The following SEL1L variants were observed in gnomAD, a reference collection of about 807,000 sequenced individuals.
The protein encoded by SEL1L is protein sel-1 homolog 1.
In SEL1L, 52 loss-of-function variants were observed where a neutral mutation model predicts 109.8. The observed-to-expected ratio is 0.47, with a 90% confidence interval of 0.38 to 0.60. The LOEUF is 0.60. Ranked by LOEUF, SEL1L falls within the 20% of genes least tolerant of loss-of-function variation. The probability of loss-of-function intolerance (pLI) is 0.00; values close to 1 mark genes in which losing one functional copy is unlikely to be tolerated. For synonymous variants in SEL1L, 373 were observed against 339.6 expected (o/e 1.10, Z -1.08); for missense variants, 749 against 962.2 (o/e 0.78, Z 2.93).
At chr14:81,531,975 T>C (rs920812174) in intron 1 of SEL1L, among the ~76,000 whole-genome samples, 1 of 152,190 alleles carries the variant, frequency 6.6e-6, no homozygotes, top group Non-Finnish European at 1.5e-5. Context: ...CAGCTTTAAC[T>C]ATGATGGAAA....
chr14:81,514,775 C>T (rs1018784585), intron 3 of SEL1L, among the ~76,000 whole-genome samples: 19 of 152,072 alleles, frequency 1.2e-4, no homozygotes, highest in African/African-American at 4.3e-4. Context: ...GCATCCTAAG[C>T]CATTGGGACC....
At chr14:81,528,722 A>G (rs1885210508) in intron 1 of SEL1L, among the ~76,000 whole-genome samples, 1 of 152,176 alleles carries the variant, frequency 6.6e-6, no homozygotes, top group Non-Finnish European at 1.5e-5. Context: ...TGAGAAATTA[A>G]CCAGTAGACA....
intron 3 of SEL1L, among the ~76,000 whole-genome samples, chr14:81,513,513 T>C (rs369408831): frequency 8.1e-4 from 124 of 152,250 alleles, no homozygotes; most frequent in African/African-American, 2.9e-3. Context: ...GGCTTCATTC[T>C]TGAAGTCAGC....
rs1885134320 is a variant in SEL1L at position 81,526,869 on chromosome 14, T to G, written c.204A>C (p.Leu68Phe). ...QIFLDSEESE[L>F]ESSIQEEEDS... ...CTTCCTCTTCTTGAATAGAGGATTCTAATTCAGATTCTTCTGAATCAAGAA... is the reference window on the plus strand; with the variant it reads ...CTTCCTCTTCTTGAATAGAGGATTCGAATTCAGATTCTTCTGAATCAAGAA... Residue 68 changes from leucine (L) to phenylalanine (F), a missense_variant, in exon 3 of 21, where the codon TTA (leucine) becomes TTC (phenylalanine). This residue lies in a region of SEL1L where 366 missense variants were observed against 399.8 expected (regional missense o/e 0.92). Coordinates refer to ENST00000336735, the MANE Select transcript of SEL1L (RefSeq NM_005065.6). 2 of 1,600,482 alleles carry G rather than the reference T, an allele frequency of 1.2e-6. No individual in the cohort carries two copies. Among genetic ancestry groups the G allele is most frequent in the Admixed American group, 3.5e-5 (2 of 57,200 alleles).
intron 12 of SEL1L, among the ~76,000 whole-genome samples, chr14:81,492,015 A>G (rs1883555591): frequency 1.3e-5 from 2 of 152,112 alleles, no homozygotes; most frequent in Non-Finnish European, 2.9e-5. Flanking sequence ...TAACATACTG[A>G]TGAGCAAACA....
intron 3 of SEL1L, among the ~76,000 whole-genome samples, chr14:81,516,383 G>A (rs1217988418): frequency 6.6e-6 from 1 of 152,210 alleles, no homozygotes; most frequent in Non-Finnish European, 1.5e-5. Flanking sequence ...CTCCTCAGTT[G>A]TAATTGGGAG....
rs1298372813 is a variant in SEL1L, at chr14:81,509,745, GA to G, written c.341-3505del. On this transcript the variant is annotated intron_variant, in intron 3 of 20. Transcript: ENST00000336735. ...GTATGGATTAATACAATCTCTTCAAGAGGGGGCATTTGGTAATATCTGTTAA... is the reference window on the plus strand; with the variant it reads ...GTATGGATTAATACAATCTCTTCAAGGGGGGCATTTGGTAATATCTGTTAA... 1.3e-5 allele frequency among the ~76,000 whole-genome samples: 2 copies of G among 152,184 alleles called. 1 individual carries two copies. The highest frequency in any genetic ancestry group is 2.9e-5 in the Non-Finnish European group (2 of 68,042).
chr14:81,526,799 T>C lies in SEL1L; in HGVS notation c.274A>G (p.Ser92Gly), dbSNP rs774783589. ...QEGESVTEDI[S>G]FLESPNPENK... ...TCTGGATTTGGAGACTCTAGAAAGC[T>C]GATATCTTCTGTGACACTTTCCCCC... The change falls in exon 3 of 21, where the codon AGC (serine) becomes GGC (glycine). Residue 92 changes from serine (S) to glycine (G), a missense_variant. Physicochemically the swap from Ser to Gly is moderately conservative, Grantham distance 56 (BLOSUM62 0). Coordinates refer to ENST00000336735, the MANE Select transcript of SEL1L (RefSeq NM_005065.6). 9 of 1,608,048 alleles carry C rather than the reference T, an allele frequency of 5.6e-6. No homozygotes were observed. Among genetic ancestry groups the C allele is most frequent in the Non-Finnish European group, 7.6e-6 (9 of 1,178,332 alleles).
intron 19 of SEL1L, among the ~76,000 whole-genome samples, chr14:81,482,449 C>T (rs535361419): frequency 1.3e-5 from 2 of 152,078 alleles, no homozygotes; most frequent in Non-Finnish European, 2.9e-5. Context: ...GAGGCCAAGG[C>T]GCTTAAGTCC....
At chr14:81,532,738 T>A (rs1340892488) in intron 1 of SEL1L, among the ~76,000 whole-genome samples, 1 of 152,032 alleles carries the variant, frequency 6.6e-6, no homozygotes, top group Non-Finnish European at 1.5e-5. Flanking sequence ...TGACATTTAT[T>A]AAAAAAAGAA....
In SEL1L at chr14:81,498,046, AC is replaced by A; in HGVS notation, c.974-1del. On this transcript the variant is annotated splice_acceptor_variant, in intron 9 of 20. Transcript: ENST00000336735. LOFTEE classifies it high-confidence loss of function. ...TCCTGTTAGCGAGATATCACTAGCA[AC>A]TGAAATAGAGGGATAAAACAATAAG... 1 of 1,612,166 alleles carries A rather than the reference AC, an allele frequency of 6.2e-7. No individual in the cohort carries two copies. Among genetic ancestry groups the A allele is most frequent in the Non-Finnish European group, 8.5e-7 (1 of 1,179,330 alleles).
At chr14:81,510,685 A>G (rs1884444431) in intron 3 of SEL1L, among the ~76,000 whole-genome samples, 1 of 152,192 alleles carries the variant, frequency 6.6e-6, no homozygotes, top group East Asian at 1.9e-4. Context: ...CAGTTTACAT[A>G]GGTGATATTT....
intron 3 of SEL1L, among the ~76,000 whole-genome samples, chr14:81,506,610 G>A (rs575850539): frequency 6.6e-6 from 1 of 152,296 alleles, no homozygotes; most frequent in African/African-American, 2.4e-5. Flanking sequence ...TCTGAATGCT[G>A]TAAGTCAATT....
At chr14:81,533,649 T>C in intron 1 of SEL1L, 26 bp downstream of exon 1, 1 of 1,607,248 alleles carries the variant, frequency 6.2e-7, no homozygotes, top group Non-Finnish European at 8.5e-7. Flanking sequence ...GCTCTGGGCC[T>C]TCAGCCCGAG....
Position 81,490,475 on chromosome 14 carries a change from A to G in SEL1L, c.1255-10T>C, listed in dbSNP as rs376426625. 3.7e-6 allele frequency: 6 copies of G among 1,606,380 alleles called. No homozygotes were observed. The African/African-American group carries it at 4.0e-5, about 11-fold the overall frequency. On this transcript the variant is annotated splice_polypyrimidine_tract_variant and intron_variant, in intron 12 of 20. Coordinates refer to ENST00000336735, the MANE Select transcript of SEL1L (RefSeq NM_005065.6). ...TTCCTTCCGAATACATCTGGAAAAC[A>G]GATCCCAATTTCAGTAAGAGCTGTA... is the stretch of plus-strand genomic sequence containing the variant.
chr14:81,527,809 T>G, intron 1 of SEL1L, 71 bp from the exon 2 acceptor site: 2 of 1,032,608 alleles, frequency 1.9e-6, no homozygotes, highest in Non-Finnish European at 3.0e-6. Context: ...AAAGAAAACA[T>G]GTGAAAAGTA....
chr14:81,522,899 T>A (rs1411526578), intron 3 of SEL1L, among the ~76,000 whole-genome samples: 1 of 152,164 alleles, frequency 6.6e-6, no homozygotes, highest in Non-Finnish European at 1.5e-5. Flanking sequence ...ACAAAAAGTG[T>A]GGACATGTTC....
At chr14:81,518,237 G>C (rs1459419176) in intron 3 of SEL1L, among the ~76,000 whole-genome samples, 3 of 151,620 alleles carry the variant, frequency 2.0e-5, no homozygotes, top group Non-Finnish European at 2.9e-5. Flanking sequence ...GACTGACTCA[G>C]CCCTGGAAAG....
Position 81,475,504 on chromosome 14 carries a change from T to C in SEL1L, c.*1468A>G, listed in dbSNP as rs1329786951. The C allele has an allele frequency of 6.6e-6, 1 of 152,352 alleles. No homozygotes were observed. Among genetic ancestry groups the C allele is most frequent in the African/African-American group, 2.4e-5 (1 of 41,460 alleles). The allele number at this position is 152,352 out of a possible 1,614,324, so 9.4% of individuals were successfully genotyped here. A position where few individuals can be genotyped will look rare whatever the true frequency, so the allele number is the denominator to read the frequency against. ...CAAGCAATAAACTTTTCAAGTTTTCTGGCAGATGAGGGATTCTGGGAAAAA... is the reference window on the plus strand; with the variant it reads ...CAAGCAATAAACTTTTCAAGTTTTCCGGCAGATGAGGGATTCTGGGAAAAA... On this transcript the variant is annotated 3_prime_UTR_variant, in exon 21 of 21. Coordinates refer to ENST00000336735, the MANE Select transcript of SEL1L (RefSeq NM_005065.6).
Sources: gnomAD v4.1 joint callset for allele counts (sites outside exome capture counted in the v4.1 genomes callset) on GRCh38, gnomAD v4.1.1 for gene constraint, gnomAD v4.1.1 regional missense constraint, MANE v1.5 for transcripts, NCBI Gene and HGNC (gene_info 2026-07-23, HGNC 2026-07-21) for gene names.